Variants in IRF4 observed in about 807,000 individuals in gnomAD.
IRF4 encodes the protein interferon regulatory factor 4, also known as lymphocyte-specific interferon regulatory factor.
A neutral mutation model predicts 55.5 loss-of-function variants in IRF4; 13 were observed. That is an observed-to-expected ratio of 0.23 (90% CI 0.15 to 0.37). The LOEUF (loss-of-function observed/expected upper bound fraction) is 0.37, where lower values mean the gene tolerates loss of function less well. IRF4 is among the 10% of genes least tolerant of loss of function. The pLI is 1.00. For synonymous variants in IRF4, 249 were observed against 240.7 expected (o/e 1.03, Z -0.32); for missense variants, 397 against 593.8 (o/e 0.67, Z 3.44).
chr6:393,109 G>C lies in IRF4; in HGVS notation c.-44G>C. The C allele has an allele frequency of 1.3e-6, 2 of 1,523,102 alleles. No individual in the cohort carries two copies. 94.3% of individuals were successfully genotyped at this position (1,523,102 alleles called of 1,614,324 possible). ...TCTTCTCCCCGCAGTGCAGAGCAGA[G>C]CGGGCGGAGGACCCCGGGCGCGGGC... On this transcript the variant is annotated 5_prime_UTR_variant, in exon 2 of 9. Transcript: ENST00000380956. The surrounding 1 kb of genome is among the most constrained non-coding windows in gnomAD (Gnocchi z 5.4).
intron 8 of IRF4, among the ~76,000 whole-genome samples, chr6:406,243 AT>A (rs1761539382): frequency 2.0e-5 from 3 of 152,362 alleles, no homozygotes; most frequent in South Asian, 4.1e-4. Flanking sequence ...GATAAGCAGC[AT>A]TTAAGAAGTT....
chr6:398,397 C>A (rs985798794), intron 5 of IRF4, among the ~76,000 whole-genome samples: 1 of 152,198 alleles, frequency 6.6e-6, no homozygotes, highest in Non-Finnish European at 1.5e-5. Flanking sequence ...TTCTCCCAAC[C>A]CACAAGAGAC....
At chr6:391,955 G>A in intron 1 of IRF4, 146 bp downstream of exon 1, 1 of 429,458 alleles carries the variant, frequency 2.3e-6, no homozygotes, top group Non-Finnish European at 4.8e-6. Context: ...CTGGAGCTCC[G>A]ACTCCCACCC....
intron 8 of IRF4, chr6:406,991 C>G: frequency 1.3e-6 from 1 of 791,266 alleles, no homozygotes. Context: ...TGTTGTTTAA[C>G]TTTACTTTTT....
rs1761404634 is a variant in IRF4, at chr6:401,678, A to G, written c.1000A>G (p.Ile334Val). ...LYAKRLCQSR[I>V]YWDGPLALCN... is the part of the protein sequence containing the mutation. ...TGCGAAAAGACTGTGCCAGAGCAGG[A>G]TCTACTGGGACGGGCCCCTGGCGCT... is the stretch of plus-strand genomic sequence containing the variant. The change falls in exon 7 of 9, where the codon ATC (isoleucine) becomes GTC (valine). Residue 334 changes from isoleucine to valine, a missense_variant. This residue lies in a region of IRF4 where 341 missense variants were observed against 548.1 expected (regional missense o/e 0.62). Coordinates refer to ENST00000380956, the MANE Select transcript of IRF4 (RefSeq NM_002460.4). 2 of 1,614,224 alleles carry G rather than the reference A, an allele frequency of 1.2e-6. No individual in the cohort carries two copies. The highest frequency in any genetic ancestry group is 1.7e-6 in the Non-Finnish European group (2 of 1,180,034).
chr6:396,365 C>T (rs943380816), intron 4 of IRF4, among the ~76,000 whole-genome samples: 23 of 152,214 alleles, frequency 1.5e-4, no homozygotes, highest in East Asian at 1.9e-4. Flanking sequence ...AGCCATATGA[C>T]GAAGCTTTAC....
chr6:401,343 G>A (rs1242738197), intron 6 of IRF4, 81 bp from the exon 7 acceptor site: 21 of 1,058,114 alleles, frequency 2.0e-5, no homozygotes, highest in Non-Finnish European at 2.5e-5. Flanking sequence ...TTCCACCACA[G>A]GTGCTTGGCT....
At chr6:394,661 T>C (rs1305500797) in intron 2 of IRF4, among the ~76,000 whole-genome samples, 160 bp from the exon 3 acceptor site, 1 of 152,200 alleles carries the variant, frequency 6.6e-6, no homozygotes, top group Non-Finnish European at 1.5e-5. Flanking sequence ...GAGGCTGAGA[T>C]AGGAGGACCC....
Position 407,622 on chromosome 6 carries a change from C to G in IRF4, c.*24C>G. The G allele has an allele frequency of 4.7e-6, 6 of 1,269,528 alleles. No individual in the cohort carries two copies. Among genetic ancestry groups the G allele is most frequent in the Non-Finnish European group, 5.4e-6 (5 of 932,724 alleles). 78.6% of individuals were successfully genotyped at this position (1,269,528 alleles called of 1,614,324 possible). On this transcript the variant is annotated 3_prime_UTR_variant, in exon 9 of 9. Transcript: ENST00000380956. ...GAAAAATGTCAAGATGAGTGGTTTTCTTTTTCCTTTTTTTTTTTTTTTTTT... is the reference window on the plus strand; with the variant it reads ...GAAAAATGTCAAGATGAGTGGTTTTGTTTTTCCTTTTTTTTTTTTTTTTTT...
rs1229114103 is a variant in IRF4, at chr6:407,642, T to C, written c.*44T>C. ...GTTTTCTTTTTCCTTTTTTTTTTTT[T>C]TTTTTTGATACGGGGATACGGGGTC... is the stretch of plus-strand genomic sequence containing the variant. On this transcript the variant is annotated 3_prime_UTR_variant, in exon 9 of 9. Transcript: ENST00000380956. 1 of 1,530,714 alleles carries C rather than the reference T, an allele frequency of 6.5e-7. No individual in the cohort carries two copies. The highest frequency in any genetic ancestry group is 1.2e-5 in the South Asian group (1 of 82,502). 94.8% of individuals were successfully genotyped at this position (1,530,714 alleles called of 1,614,324 possible).
In IRF4 at chr6:407,629, CTTTTTTTTTTTT is replaced by C; in HGVS notation, c.*39_*50del. ...GTCAAGATGAGTGGTTTTCTTTTTC[CTTTTTTTTTTTT>C]TTTTTTTGATACGGGGATACGGGGT... On this transcript the variant is annotated 3_prime_UTR_variant, in exon 9 of 9. Coordinates refer to ENST00000380956, the MANE Select transcript of IRF4 (RefSeq NM_002460.4). 7.8e-7 allele frequency: 1 copy of C among 1,284,768 alleles called. No individual in the cohort carries two copies. The highest frequency in any genetic ancestry group is 1.4e-5 in the South Asian group (1 of 71,964). The allele number at this position is 1,284,768 out of a possible 1,614,324, so 79.6% of individuals were successfully genotyped here. A position where few individuals can be genotyped will look rare whatever the true frequency, so the allele number is the denominator to read the frequency against.
chr6:403,267 C>T (rs1761455950), intron 7 of IRF4, among the ~76,000 whole-genome samples: 1 of 152,248 alleles, frequency 6.6e-6, no homozygotes, highest in Non-Finnish European at 1.5e-5. Context: ...TGGGGGGACC[C>T]CCCCTCCCCT....
At chr6:404,901 A>C (rs1374248666) in intron 7 of IRF4, 117 bp from the exon 8 acceptor site, 1 of 660,992 alleles carries the variant, frequency 1.5e-6, no homozygotes, top group Admixed American at 2.4e-5. Flanking sequence ...GCGGAGTAAG[A>C]GTGCTCATTC....
At chr6:395,956 C>T in intron 4 of IRF4, 21 bp downstream of exon 4, 7 of 1,591,718 alleles carry the variant, frequency 4.4e-6, no homozygotes, top group South Asian at 1.1e-5. Context: ...GGGCACTGGG[C>T]TCCCTGAGGG....
intron 7 of IRF4, among the ~76,000 whole-genome samples, chr6:404,465 A>T (rs908526570): frequency 6.6e-6 from 1 of 152,252 alleles, no homozygotes; most frequent in African/African-American, 2.4e-5. Context: ...AGTGGGACTC[A>T]GCTGCCGATG....
intron 6 of IRF4, among the ~76,000 whole-genome samples, chr6:401,141 G>A (rs180991575): frequency 6.6e-6 from 1 of 152,246 alleles, no homozygotes; most frequent in Admixed American, 6.5e-5. Flanking sequence ...AAAAAGAGTC[G>A]GTGGCCACAT....
rs570473541 is a variant in IRF4, at chr6:401,710, C to T, written c.1032C>T (p.Asn344=). 1.8e-5 allele frequency: 29 copies of T among 1,614,256 alleles called. 1 individual carries two copies. The highest frequency in any genetic ancestry group is 1.6e-4 in the Middle Eastern group (1 of 6,062). The change falls in exon 7 of 9, where the codon AAC becomes AAT. Residue 344 remains asparagine (N), a synonymous_variant. Transcript: ENST00000380956. ...GGGACGGGCCCCTGGCGCTGTGCAA[C>T]GACCGGCCCAACAAACTGGAGAGAG... ...IYWDGPLALC[N]DRPNKLERDQ...
intron 8 of IRF4, among the ~76,000 whole-genome samples, chr6:405,405 A>G (rs929024227): frequency 6.6e-6 from 1 of 152,142 alleles, no homozygotes; most frequent in Non-Finnish European, 1.5e-5. Context: ...ATTTTTCAGG[A>G]AAGTTGTCGT....
At position 397,429 on chromosome 6, in the gene IRF4, G is replaced by T. The variant is rs146612564; in HGVS notation, c.637+177G>T. 4.2e-4 allele frequency: 279 copies of T among 669,858 alleles called. 2 individuals carry two copies. The African/African-American group carries it at 4.6e-3, about 11-fold the overall frequency. The allele number at this position is 669,858 out of a possible 1,614,324, so 41.5% of individuals were successfully genotyped here. A position where few individuals can be genotyped will look rare whatever the true frequency, so the allele number is the denominator to read the frequency against. ...TCCTGTGGGATGGTGGCATCCCACA[G>T]CCAAGTTTACTCTCAGGATCCATGC... On this transcript the variant is annotated intron_variant, in intron 5 of 8. Transcript: ENST00000380956.
Sources: gnomAD v4.1 joint callset for allele counts (sites outside exome capture counted in the v4.1 genomes callset) on GRCh38, gnomAD v4.1.1 for gene constraint, gnomAD v4.1.1 regional missense constraint, Gnocchi (gnomAD v3.1) non-coding constraint, MANE v1.5 for transcripts, NCBI Gene and HGNC (gene_info 2026-07-23, HGNC 2026-07-21) for gene names.